The following GALM variants were observed in gnomAD, a reference collection of about 807,000 sequenced individuals.
The protein encoded by GALM is galactose mutarotase.
A neutral mutation model predicts 37.4 loss-of-function variants in GALM; 43 were observed. The ratio of observed to expected loss-of-function variants is 1.15; its 90% CI spans 0.90 to 1.48. GALM has a LOEUF of 1.48. Ranked by LOEUF, GALM falls within the 40% of genes most tolerant of loss-of-function variation. The pLI, the probability that GALM is intolerant of heterozygous loss-of-function variation, is 0.00. For synonymous variants in GALM, 199 were observed against 170.6 expected, an observed-to-expected ratio of 1.17 and a Z score of -1.30; for missense variants, 456 against 419.1, an observed-to-expected ratio of 1.09 and a Z score of -0.77.
chr2:38,727,010 G>GT (rs1412317278), intron 4 of GALM, among the ~76,000 whole-genome samples: 1 of 151,958 alleles, frequency 6.6e-6, no homozygotes, highest in Non-Finnish European at 1.5e-5. Context: ...GAGGTCAGAA[G>GT]TTTGAGACCA....
In GALM at chr2:38,732,481, T is replaced by C. The variant is rs144259989; in HGVS notation, c.951+572T>C. Among the ~76,000 whole-genome samples, 44 of 152,356 alleles carry C rather than the reference T, an allele frequency of 2.9e-4. 1 individual carries two copies. The highest frequency in any genetic ancestry group is 2.7e-3 in the South Asian group (13 of 4,832). ...ACCTTCAAAGCCTTTATCCAGTTTGTTTCTCCTTAACAATACCTTCTCGTT... is the reference window on the plus strand; with the variant it reads ...ACCTTCAAAGCCTTTATCCAGTTTGCTTCTCCTTAACAATACCTTCTCGTT... On this transcript the variant is annotated intron_variant, in intron 6 of 6. Coordinates refer to ENST00000272252, the MANE Select transcript of GALM (RefSeq NM_138801.3).
intron 4 of GALM, among the ~76,000 whole-genome samples, chr2:38,710,282 T>G (rs1666123526): frequency 6.6e-6 from 1 of 152,202 alleles, no homozygotes; most frequent in Non-Finnish European, 1.5e-5. Flanking sequence ...GAGGAGCTAT[T>G]TAGAGCCTAT....
intron 4 of GALM, among the ~76,000 whole-genome samples, chr2:38,719,102 A>C (rs984955665): frequency 1.3e-5 from 2 of 151,844 alleles, no homozygotes; most frequent in African/African-American, 4.8e-5. Flanking sequence ...CTGCACTTTC[A>C]CTGGTGGCTG....
chr2:38,732,472 T>C (rs555149844), intron 6 of GALM, among the ~76,000 whole-genome samples: 8 of 152,328 alleles, frequency 5.3e-5, no homozygotes, highest in African/African-American at 1.9e-4. Flanking sequence ...AAAGCCTTTA[T>C]CCAGTTTGTT....
In GALM at chr2:38,708,524, G is replaced by C. The variant is rs1437182085; in HGVS notation, c.634+18630G>C. ...TGGGAGGCCGAGGCGGGCGGATCATGAGGTCAGGAGAGCGAGACCATCCCA... is the reference window on the plus strand; with the variant it reads ...TGGGAGGCCGAGGCGGGCGGATCATCAGGTCAGGAGAGCGAGACCATCCCA... On this transcript the variant is annotated intron_variant, in intron 4 of 6. Coordinates refer to ENST00000272252, the MANE Select transcript of GALM (RefSeq NM_138801.3). Among the ~76,000 whole-genome samples, 3 of 152,120 alleles carry C rather than the reference G, an allele frequency of 2.0e-5. No homozygotes were observed. In the East Asian group the frequency reaches 5.8e-4, roughly 29 times the overall value.
chr2:38,683,636 G>C (rs146535703), intron 3 of GALM, among the ~76,000 whole-genome samples: 2 of 151,626 alleles, frequency 1.3e-5, no homozygotes, highest in East Asian at 1.9e-4. Context: ...GCACGATCTC[G>C]GCTCACTGCA....
intron 3 of GALM, among the ~76,000 whole-genome samples, chr2:38,683,360 T>A (rs1417126114): frequency 1.3e-5 from 2 of 152,164 alleles, no homozygotes; most frequent in Non-Finnish European, 2.9e-5. Flanking sequence ...TACCACAGAT[T>A]GAATATCCCT....
intron 4 of GALM, among the ~76,000 whole-genome samples, chr2:38,692,836 G>C (rs900474058): frequency 1.3e-5 from 2 of 152,224 alleles, no homozygotes; most frequent in African/African-American, 4.8e-5. Flanking sequence ...GCCAGGGAGT[G>C]AGGAGGAGAA....
intron 4 of GALM, among the ~76,000 whole-genome samples, 194 bp from the exon 5 acceptor site, chr2:38,729,362 C>CATTTATTT (rs3084495): frequency 3.1e-4 from 46 of 150,638 alleles, no homozygotes; most frequent in East Asian, 1.8e-3. Context: ...TAATTTTTTA[C>CATTTATTT]ATTTATTTAT....
At chr2:38,680,081 C>T (rs777307281) in intron 2 of GALM, 30 of 453,112 alleles carry the variant, frequency 6.6e-5, no homozygotes, top group South Asian at 1.4e-4. Flanking sequence ...ATGGTGTGTG[C>T]GATCTCGGCT....
intron 5 of GALM, among the ~76,000 whole-genome samples, chr2:38,730,558 C>T (rs6736004): frequency 0.56 from 84,346 of 151,690 alleles, 22,298 homozygotes; most frequent in East Asian, 0.81. Flanking sequence ...AGCCACTGCA[C>T]CCGGTCAACA....
intron 4 of GALM, among the ~76,000 whole-genome samples, chr2:38,719,960 T>C (rs1461536235): frequency 6.6e-6 from 1 of 151,824 alleles, no homozygotes; most frequent in African/African-American, 2.4e-5. Flanking sequence ...ACCAACACTT[T>C]GGGAGGCTGA....
intron 1 of GALM, chr2:38,669,047 G>C (rs1208845704): frequency 1.5e-5 from 2 of 136,632 alleles, no homozygotes; most frequent in African/African-American, 6.7e-5. Context: ...GGGAAAATGG[G>C]ATTTTTTTCT....
chr2:38,696,970 A>C (rs1260506178), intron 4 of GALM, among the ~76,000 whole-genome samples: 1 of 151,532 alleles, frequency 6.6e-6, no homozygotes, highest in Non-Finnish European at 1.5e-5. Context: ...TTGTATTTTT[A>C]GTAGAGAGGG....
chr2:38,681,921 A>G (rs950318269), intron 3 of GALM, among the ~76,000 whole-genome samples: 35 of 152,352 alleles, frequency 2.3e-4, no homozygotes, highest in African/African-American at 8.4e-4. Flanking sequence ...TGAGCCTGCC[A>G]GCTCCTCCCA....
chr2:38,697,950 GT>G (rs573166933), intron 4 of GALM, among the ~76,000 whole-genome samples: 109 of 144,014 alleles, frequency 7.6e-4, no homozygotes, highest in Non-Finnish European at 7.4e-4. Flanking sequence ...GGGTTTTGGG[GT>G]TTTTTTTTTT....
At chr2:38,700,162 G>A (rs545489346) in intron 4 of GALM, among the ~76,000 whole-genome samples, 9 of 152,244 alleles carry the variant, frequency 5.9e-5, no homozygotes, top group South Asian at 2.1e-4. Context: ...ATGTTGACCA[G>A]GCTGGTTTTA....
At chr2:38,673,684 C>A (rs1665169786) in intron 1 of GALM, among the ~76,000 whole-genome samples, 1 of 151,916 alleles carries the variant, frequency 6.6e-6, no homozygotes, top group South Asian at 2.1e-4. Flanking sequence ...GTGGCGGGTG[C>A]CTGTAGTCCC....
At chr2:38,686,192 T>TAA (rs201779760) in intron 3 of GALM, among the ~76,000 whole-genome samples, 5 of 136,448 alleles carry the variant, frequency 3.7e-5, no homozygotes, top group African/African-American at 1.4e-4. Flanking sequence ...CTCTAGTGCT[T>TAA]AAAAAAAAAA....
Sources: allele counts gnomAD v4.1 joint callset (sites outside exome capture counted in the v4.1 genomes callset), GRCh38; gene constraint gnomAD v4.1.1; transcripts MANE v1.5; gene names NCBI Gene and HGNC (gene_info 2026-07-23, HGNC 2026-07-21).